Variants in GSTT4 observed in about 807,000 individuals in gnomAD.
The protein encoded by GSTT4 is glutathione S-transferase theta 4.
chr22:23,992,312 G>C, the GSTT4 span, among the ~76,000 whole-genome samples: 1 of 124,512 alleles, frequency 8.0e-6, no homozygotes, highest in Non-Finnish European at 1.8e-5. Context: ...ACAGTGCCTG[G>C]CATTGCACAG....
chr22:23,993,676 GA>G (rs2034089014), downstream of GSTT4, among the ~76,000 whole-genome samples: 1 of 146,458 alleles, frequency 6.8e-6, no homozygotes, highest in Non-Finnish European at 1.5e-5. Context: ...CCTCCCAGGG[GA>G]GTTTCCACTG....
At chr22:23,990,574 C>T in the GSTT4 span, among the ~76,000 whole-genome samples, 5 of 106,156 alleles carry the variant, frequency 4.7e-5, no homozygotes, top group African/African-American at 1.5e-4. Flanking sequence ...TGCAGTGAGC[C>T]GGGATCATGC....
chr22:23,999,588 C>T (rs1385384380), intron 4 of GSTT4, among the ~76,000 whole-genome samples: 21 of 114,528 alleles, frequency 1.8e-4, no homozygotes, highest in African/African-American at 6.6e-4. Flanking sequence ...ATGTAGAGGC[C>T]ACATAAATGC....
Position 24,002,817 on chromosome 22 carries a change from C to T in GSTT4, c.200+943G>A, listed in dbSNP as rs1344436845. On this transcript the variant is annotated intron_variant, in intron 2 of 4. Transcript: ENST00000621179. ...CTGCACTCCAGCCTGGGCAACAGAGCGAGACTCCGTCTCAAAAAAAAAAAA... is the reference window on the plus strand; with the variant it reads ...CTGCACTCCAGCCTGGGCAACAGAGTGAGACTCCGTCTCAAAAAAAAAAAA... 4.9e-4 allele frequency among the ~76,000 whole-genome samples: 64 copies of T among 130,736 alleles called. 1 individual carries two copies. Among genetic ancestry groups the T allele is most frequent in the Admixed American group, 3.8e-3 (41 of 10,850 alleles). The allele number at this position is 130,736 out of a possible 152,430, so 85.8% of individuals were successfully genotyped here.
chr22:24,003,946 A>G (rs896946392), intron 1 of GSTT4, 99 bp from the exon 2 acceptor site: 1 of 153,740 alleles, frequency 6.5e-6, no homozygotes, highest in African/African-American at 2.4e-5. Flanking sequence ...TTTCTCAAGA[A>G]GAGGGAACTG....
chr22:23,993,887 C>T (rs1041458227), downstream of GSTT4, among the ~76,000 whole-genome samples: 1 of 150,506 alleles, frequency 6.6e-6, no homozygotes, highest in African/African-American at 2.4e-5. Context: ...ATCGTCTCTC[C>T]TCAGGCCCCC....
downstream of GSTT4, among the ~76,000 whole-genome samples, chr22:23,994,332 T>G (rs1298946714): frequency 6.6e-6 from 1 of 152,002 alleles, no homozygotes; most frequent in Non-Finnish European, 1.5e-5. Context: ...AACAAAGTTT[T>G]GTCACCATCA....
the GSTT4 span, among the ~76,000 whole-genome samples, chr22:23,993,150 C>A: frequency 1.3e-5 from 2 of 151,284 alleles, no homozygotes; most frequent in Admixed American, 1.3e-4. Context: ...CAAGAAAAAG[C>A]TCTTTTCTCC....
At chr22:23,995,703 C>A (rs1412050118), downstream of GSTT4, among the ~76,000 whole-genome samples, 2 of 152,198 alleles carry the variant, frequency 1.3e-5, no homozygotes, top group Non-Finnish European at 2.9e-5. Context: ...AGGACTCATT[C>A]TGTTGAACCT....
intron 2 of GSTT4, among the ~76,000 whole-genome samples, chr22:24,002,974 T>G (rs1349965253): frequency 2.0e-5 from 3 of 152,258 alleles, no homozygotes; most frequent in Non-Finnish European, 2.9e-5. Context: ...TGAGGTATCT[T>G]AATGGTATCG....
intron 2 of GSTT4, among the ~76,000 whole-genome samples, chr22:24,002,511 G>C (rs587724966): frequency 6.6e-6 from 1 of 152,382 alleles, no homozygotes; most frequent in Admixed American, 6.5e-5. Context: ...AAAAGTGGCA[G>C]GAGAGACAGC....
chr22:23,992,061 A>G, the GSTT4 span, among the ~76,000 whole-genome samples: 1 of 149,284 alleles, frequency 6.7e-6, no homozygotes, highest in African/African-American at 2.4e-5. Context: ...TCAAAAAAAA[A>G]AAAAAAAAAA....
At chr22:24,002,919 A>C in intron 2 of GSTT4, among the ~76,000 whole-genome samples, 1 of 152,234 alleles carries the variant, frequency 6.6e-6, no homozygotes, top group Non-Finnish European at 1.5e-5. Context: ...AGTTTTGAAC[A>C]GGAGCCACAT....
downstream of GSTT4, among the ~76,000 whole-genome samples, chr22:23,996,028 C>T (rs1275033313): frequency 6.6e-6 from 1 of 151,294 alleles, no homozygotes; most frequent in African/African-American, 2.4e-5. Context: ...ACTGCAACCT[C>T]CACCTCCTGG....
rs894720037 is a variant in GSTT4 at position 24,003,771 on chromosome 22, G to C, written c.189C>G (p.Ile63Met). The C allele has an allele frequency of 6.4e-6, 1 of 155,680 alleles. No individual in the cohort carries two copies. The highest frequency in any genetic ancestry group is 1.9e-4 in the East Asian group (1 of 5,206). The allele number at this position is 155,680 out of a possible 1,614,324, so 9.6% of individuals were successfully genotyped here. The change falls in exon 2 of 5, where the codon ATC becomes ATG. Residue 63 changes from isoleucine to methionine, a missense_variant. Physicochemically the swap from Ile to Met is conservative, Grantham distance 10. Transcript: ENST00000621179. ...KLPSLKDGKF[I>M]LSESAAILYY... ...CAGGGAAGACTTACCTTTCACTTAA[G>C]ATAAATTTCCCATCTTTGAGGCTGG...
chr22:23,993,847 G>C (rs2034090891), downstream of GSTT4, among the ~76,000 whole-genome samples: 1 of 152,176 alleles, frequency 6.6e-6, no homozygotes, highest in Non-Finnish European at 1.5e-5. Context: ...ATAGGGACAA[G>C]TAGGCATATC....
chr22:23,989,735 T>TC, the GSTT4 span, among the ~76,000 whole-genome samples: 1 of 150,828 alleles, frequency 6.6e-6, no homozygotes, highest in East Asian at 2.0e-4. Context: ...CAAGGCTCCC[T>TC]CCCCACTGGG....
At chr22:24,001,352 T>G (rs1418195756) in intron 2 of GSTT4, 27 bp from the exon 3 acceptor site, 4 of 156,688 alleles carry the variant, frequency 2.6e-5, no homozygotes, top group African/African-American at 9.6e-5. Context: ...TCAGGGGCAC[T>G]GCCCTTGCCT....
intron 2 of GSTT4, among the ~76,000 whole-genome samples, 158 bp from the exon 3 acceptor site, chr22:24,001,483 A>G (rs1279468750): frequency 2.0e-5 from 3 of 152,270 alleles, no homozygotes; most frequent in African/African-American, 7.2e-5. Context: ...TCTGTCTGAC[A>G]GTCAGTAAGG....
Sources: gnomAD v4.1 joint callset for allele counts (sites outside exome capture counted in the v4.1 genomes callset) on GRCh38, gnomAD v4.1.1 for gene constraint, MANE v1.5 for transcripts, NCBI Gene and HGNC (gene_info 2026-07-23, HGNC 2026-07-21) for gene names.